The following SCN9A variants were observed in gnomAD, a reference collection of about 807,000 sequenced individuals.
The protein encoded by SCN9A is sodium voltage-gated channel alpha subunit 9, also known as sodium channel protein type 9 subunit alpha.
A neutral mutation model predicts 187.0 loss-of-function variants in SCN9A; 131 were observed. The ratio of observed to expected loss-of-function variants is 0.70; its 90% CI spans 0.61 to 0.81. The LOEUF is 0.81. Among genes scored for constraint, SCN9A ranks in the 30% least tolerant of loss-of-function variants. SCN9A has a pLI of 0.00. For missense variants in SCN9A, 2,252 were observed against 2,396.6 expected (o/e 0.94, Z 1.26); for synonymous variants, 809 against 808.6 (o/e 1.00, Z -0.01).
At position 166,311,752 on chromosome 2, in the gene SCN9A, G is replaced by T; in HGVS notation, c.5C>A (p.Ala2Glu). 6.3e-7 allele frequency: 1 copy of T among 1,599,452 alleles called. No homozygotes were observed. The highest frequency in any genetic ancestry group is 8.5e-7 in the Non-Finnish European group (1 of 1,170,880). M[A>E]MLPPPGPQSF... is the part of the protein sequence containing the mutation. ...CTGAGGTCCTGGGGGAGGCAACATTGCCATCTTTTCATCCTGTATATTTTA... is the reference window on the plus strand; with the variant it reads ...CTGAGGTCCTGGGGGAGGCAACATTTCCATCTTTTCATCCTGTATATTTTA... Residue 2 changes from alanine to glutamate, a missense_variant, in exon 2 of 27, where the codon GCA (alanine) becomes GAA (glutamate). By Grantham distance (107) the Ala-to-Glu change is moderately radical. Transcript: ENST00000642356.
intron 19 of SCN9A, among the ~76,000 whole-genome samples, chr2:166,240,532 T>C (rs1389129956): frequency 1.3e-5 from 2 of 152,192 alleles, no homozygotes; most frequent in African/African-American, 4.8e-5. Flanking sequence ...AATTTTTTTG[T>C]AATCTCCTCT....
intron 1 of SCN9A, among the ~76,000 whole-genome samples, chr2:166,364,090 C>T (rs528373215): frequency 7.4e-4 from 113 of 151,700 alleles, no homozygotes; most frequent in Non-Finnish European, 8.1e-4. Context: ...TCAACATCAC[C>T]GATCATTTGG....
At chr2:166,343,918 A>C (rs1034697947) in intron 1 of SCN9A, among the ~76,000 whole-genome samples, 1 of 152,252 alleles carries the variant, frequency 6.6e-6, no homozygotes, top group African/African-American at 2.4e-5. Flanking sequence ...ATGCTTTATA[A>C]TGTAAAGTGA....
At chr2:166,221,145 T>C (rs527580058) in intron 24 of SCN9A, among the ~76,000 whole-genome samples, 1 of 152,202 alleles carries the variant, frequency 6.6e-6, no homozygotes, top group South Asian at 2.1e-4. Context: ...AAAATGTTCA[T>C]GAAGGAAATT....
intron 16 of SCN9A, 121 bp downstream of exon 16, chr2:166,276,862 A>C (rs1404797961): frequency 5.1e-6 from 4 of 784,332 alleles, no homozygotes; most frequent in African/African-American, 1.8e-5. Context: ...AATTATCACT[A>C]TTCTTTTGCA....
intron 18 of SCN9A, among the ~76,000 whole-genome samples, chr2:166,250,958 G>A (rs1216354342): frequency 1.3e-5 from 2 of 151,846 alleles, no homozygotes; most frequent in Admixed American, 1.3e-4. Context: ...AATAAAGACT[G>A]GAGGAAGCTG....
intron 19 of SCN9A, among the ~76,000 whole-genome samples, chr2:166,239,594 A>G (rs1336412935): frequency 2.6e-5 from 4 of 152,164 alleles, no homozygotes; most frequent in Admixed American, 2.0e-4. Context: ...CTGAAATTCA[A>G]TGGAATTGAA....
chr2:166,280,961 G>T (rs138489865), intron 13 of SCN9A, among the ~76,000 whole-genome samples: 22 of 152,224 alleles, frequency 1.4e-4, no homozygotes, highest in South Asian at 6.2e-4. Flanking sequence ...TTAGTCCCAT[G>T]ACAACAATAA....
chr2:166,196,269 T>C lies in SCN9A; in HGVS notation c.*2403A>G, dbSNP rs949550745. On this transcript the variant is annotated 3_prime_UTR_variant, in exon 27 of 27. Transcript: ENST00000642356. The stretch of plus-strand genomic sequence containing the variant: ...TCAAGCTTATACTTAATAAGCTCTT[T>C]CTTCCAAATATTATTTTTAATTGAT... 2 of 152,128 alleles carry C rather than the reference T, an allele frequency of 1.3e-5. No homozygotes were observed. The highest frequency in any genetic ancestry group is 2.9e-5 in the Non-Finnish European group (2 of 68,018). The allele number at this position is 152,128 out of a possible 1,614,324, so 9.4% of individuals were successfully genotyped here.
chr2:166,210,502 C>A (rs10209609), intron 24 of SCN9A, among the ~76,000 whole-genome samples: 55,985 of 131,654 alleles, frequency 0.43, 12,411 homozygotes, highest in Non-Finnish European at 0.47. Flanking sequence ...ATTAAAAAAC[C>A]CTCAAAAGAT....
intron 24 of SCN9A, among the ~76,000 whole-genome samples, chr2:166,226,130 C>A: frequency 6.6e-6 from 1 of 152,138 alleles, no homozygotes; most frequent in East Asian, 1.9e-4. Flanking sequence ...TCTGCTATGA[C>A]ATAAACTCCT....
At chr2:166,235,678 GA>G (rs60341533) in intron 20 of SCN9A, among the ~76,000 whole-genome samples, 91 of 142,780 alleles carry the variant, frequency 6.4e-4, no homozygotes, top group Admixed American at 8.5e-4. Context: ...ATACTTTTCA[GA>G]AAAAAAAAAA....
rs746657869 is a variant in SCN9A at position 166,293,262 on chromosome 2, G to A, written c.1076C>T (p.Thr359Ile). 1.3e-6 allele frequency: 2 copies of A among 1,590,678 alleles called. No homozygotes were observed. The highest frequency in any genetic ancestry group is 2.3e-5 in the East Asian group (1 of 44,272). ...GTAAAGGTTTTCCCAGTAATCTTGG[G>A]TCATTAGCCTAAACAAGGCTAAGAA... ...WAFLALFRLM[T>I]QDYWENLYQQ... Residue 359 changes from threonine (T) to isoleucine (I), a missense_variant, in exon 9 of 27, where the codon ACC (threonine) becomes ATC (isoleucine). By Grantham distance (89) the Thr-to-Ile change is moderately conservative (BLOSUM62 -1). Coordinates refer to ENST00000642356, the MANE Select transcript of SCN9A (RefSeq NM_001365536.1).
At chr2:166,282,655 G>T (rs1173535133) in intron 12 of SCN9A, among the ~76,000 whole-genome samples, 1 of 151,856 alleles carries the variant, frequency 6.6e-6, no homozygotes, top group Non-Finnish European at 1.5e-5. Context: ...GTGGTATGTG[G>T]TATATATTTT....
intron 1 of SCN9A, among the ~76,000 whole-genome samples, chr2:166,341,460 G>A (rs906795747): frequency 2.0e-4 from 31 of 152,288 alleles, no homozygotes; most frequent in Middle Eastern, 3.4e-3. Flanking sequence ...ACTTTATACC[G>A]TCTAAGAAAA....
At chr2:166,319,497 A>C (rs1439939731) in intron 1 of SCN9A, among the ~76,000 whole-genome samples, 1 of 152,118 alleles carries the variant, frequency 6.6e-6, no homozygotes, top group African/African-American at 2.4e-5. Context: ...CATGAACTTG[A>C]ACAACTGGTA....
chr2:166,363,903 G>T (rs762435356), intron 1 of SCN9A, among the ~76,000 whole-genome samples: 2 of 151,960 alleles, frequency 1.3e-5, no homozygotes, highest in Non-Finnish European at 2.9e-5. Flanking sequence ...AAGTGAAAAG[G>T]CAATCCATAT....
intron 26 of SCN9A, among the ~76,000 whole-genome samples, chr2:166,202,221 A>C (rs540134187): frequency 6.6e-6 from 1 of 150,892 alleles, no homozygotes; most frequent in East Asian, 1.9e-4. Context: ...TGGCTTTACA[A>C]ATTTGTGTTT....
intron 7 of SCN9A, 108 bp from the exon 8 acceptor site, chr2:166,294,770 G>T: frequency 3.3e-6 from 2 of 615,180 alleles, no homozygotes; most frequent in Non-Finnish European, 5.4e-6. Flanking sequence ...ATTCAGGCCT[G>T]GTCCCAGGCA....
Sources: gnomAD v4.1 joint callset for allele counts (sites outside exome capture counted in the v4.1 genomes callset) on GRCh38, gnomAD v4.1.1 for gene constraint, MANE v1.5 for transcripts, NCBI Gene and HGNC (gene_info 2026-07-23, HGNC 2026-07-21) for gene names.